The following GAPVD1 variants were observed in gnomAD, a reference collection of about 807,000 sequenced individuals.
The protein encoded by GAPVD1 is GTPase-activating protein and VPS9 domain-containing protein 1.
A neutral mutation model predicts 155.5 loss-of-function variants in GAPVD1; 35 were observed. That is an observed-to-expected ratio of 0.23 (90% CI 0.17 to 0.30). The LOEUF is 0.30. Ranked by LOEUF, GAPVD1 falls within the 10% of genes least tolerant of loss-of-function variation. GAPVD1 has a pLI of 1.00. For missense variants in GAPVD1, 1,429 were observed against 1,775.7 expected (o/e 0.80, Z 3.51); for synonymous variants, 636 against 619.7 (o/e 1.03, Z -0.39).
intron 24 of GAPVD1, among the ~76,000 whole-genome samples, chr9:125,355,215 G>GGGGATTCTC (rs6151177): frequency 6.6e-6 from 1 of 151,880 alleles, no homozygotes; most frequent in African/African-American, 2.4e-5. Flanking sequence ...CTCCCTGGTA[G>GGGGATTCTC]CTGCCTCAGC....
intron 17 of GAPVD1, among the ~76,000 whole-genome samples, chr9:125,338,452 A>G (rs1033048256): frequency 1.3e-5 from 2 of 152,190 alleles, no homozygotes; most frequent in African/African-American, 2.4e-5. Context: ...TATAGTAAAA[A>G]GGTTCTATTC....
intron 26 of GAPVD1, 46 bp downstream of exon 26, chr9:125,359,538 G>A (rs747986846): frequency 2.5e-5 from 23 of 909,386 alleles, no homozygotes; most frequent in East Asian, 1.4e-4. Context: ...TAAATGCTGC[G>A]TGTTATTATA....
At chr9:125,323,021 C>T (rs189238599) in intron 10 of GAPVD1, among the ~76,000 whole-genome samples, 131 of 148,106 alleles carry the variant, frequency 8.8e-4, no homozygotes, top group African/African-American at 3.2e-3. Context: ...CCACTGCATT[C>T]CAGCTTGGAC....
At chr9:125,276,444 C>A (rs79737893) in intron 2 of GAPVD1, among the ~76,000 whole-genome samples, 2 of 152,216 alleles carry the variant, frequency 1.3e-5, no homozygotes, top group Non-Finnish European at 2.9e-5. Context: ...GTAATCCCAG[C>A]ACTTTGGGAT....
Position 125,342,299 on chromosome 9 carries a change from G to A in GAPVD1, c.3046G>A (p.Asp1016Asn). ...LGPDRFSTLTDDPSPRLSAQA... is the reference protein window; with the variant it reads ...LGPDRFSTLTNDPSPRLSAQA... Reference sequence around the variant, plus strand: ...GCCTGACAGATTCTCAACACTCACAGGTTTGTAGACCCATGGACTTCCTGG... The same window carrying A: ...GCCTGACAGATTCTCAACACTCACAAGTTTGTAGACCCATGGACTTCCTGG... Residue 1016 changes from aspartate to asparagine, a missense_variant and splice_region_variant, in exon 19 of 28, where the codon GAT (aspartate) becomes AAT (asparagine). This residue lies in a region of GAPVD1 where 699 missense variants were observed against 826.0 expected (regional missense o/e 0.85). Coordinates refer to ENST00000297933, the MANE Select transcript of GAPVD1 (RefSeq NM_001282680.3). 6.4e-7 allele frequency: 1 copy of A among 1,551,166 alleles called. No individual in the cohort carries two copies. The highest frequency in any genetic ancestry group is 8.9e-7 in the Non-Finnish European group (1 of 1,122,944).
Position 125,289,188 on chromosome 9 carries a change from G to A in GAPVD1, c.-149-6270G>A, listed in dbSNP as rs1838208075. On this transcript the variant is annotated intron_variant, in intron 2 of 27. Transcript: ENST00000297933. ...GAGTGATGAATTATATGGTCTCCTG[G>A]TAATAGGAGGTGAGGTAGGAGAGGT... Among the ~76,000 whole-genome samples, 3 of 152,262 alleles carry A rather than the reference G, an allele frequency of 2.0e-5. No individual in the cohort carries two copies. In the South Asian group the frequency reaches 6.2e-4, roughly 32 times the overall value.
intron 2 of GAPVD1, among the ~76,000 whole-genome samples, chr9:125,292,137 G>A (rs781280988): frequency 5.3e-5 from 8 of 151,972 alleles, no homozygotes; most frequent in African/African-American, 1.7e-4. Flanking sequence ...CTCGGGAGGC[G>A]GAGGTGAGAG....
At chr9:125,336,912 T>C (rs2131976390) in intron 15 of GAPVD1, 106 bp from the exon 16 acceptor site, 1 of 656,754 alleles carries the variant, frequency 1.5e-6, no homozygotes, top group East Asian at 2.6e-5. Context: ...CAAGTTCTAA[T>C]GGATCAAAAA....
chr9:125,293,871 T>A lies in GAPVD1; in HGVS notation c.-149-1587T>A, dbSNP rs1461599115. ...TATATTTTATATATATATATATATA[T>A]ATATATATATATATATATATATATA... On this transcript the variant is annotated intron_variant, in intron 2 of 27. Transcript: ENST00000297933. 1.9e-4 allele frequency among the ~76,000 whole-genome samples: 17 copies of A among 90,176 alleles called. 1 individual carries two copies. The highest frequency in any genetic ancestry group is 7.3e-4 in the African/African-American group (17 of 23,356). The allele number at this position is 90,176 out of a possible 152,430, so 59.2% of individuals were successfully genotyped here.
intron 8 of GAPVD1, among the ~76,000 whole-genome samples, chr9:125,310,908 C>T (rs532441122): frequency 2.0e-5 from 3 of 151,194 alleles, no homozygotes; most frequent in African/African-American, 4.9e-5. Flanking sequence ...ACTGCGATCT[C>T]GGCTCACTGC....
chr9:125,343,178 G>T (rs1008232120), intron 19 of GAPVD1, among the ~76,000 whole-genome samples: 1 of 151,426 alleles, frequency 6.6e-6, no homozygotes, highest in Non-Finnish European at 1.5e-5. Flanking sequence ...AACAGTATGA[G>T]ATTTATGCAG....
At position 125,298,896 on chromosome 9, in the gene GAPVD1, G is replaced by A. The variant is rs1840328964; in HGVS notation, c.-26G>A. Reference sequence around the variant, plus strand: ...TTTATCTTTTTACTCTTAGTGATCAGCCTTTGAGCCTTTCCCACATTGAAG... The same window carrying A: ...TTTATCTTTTTACTCTTAGTGATCAACCTTTGAGCCTTTCCCACATTGAAG... On this transcript the variant is annotated 5_prime_UTR_variant, in exon 4 of 28. Coordinates refer to ENST00000297933, the MANE Select transcript of GAPVD1 (RefSeq NM_001282680.3). 1 of 1,481,100 alleles carries A rather than the reference G, an allele frequency of 6.8e-7. No homozygotes were observed. Among genetic ancestry groups the A allele is most frequent in the African/African-American group, 1.4e-5 (1 of 71,458 alleles). The allele number at this position is 1,481,100 out of a possible 1,614,324, so 91.7% of individuals were successfully genotyped here.
At position 125,331,997 on chromosome 9, in the gene GAPVD1, G is replaced by C. The variant is rs1846158238; in HGVS notation, c.2245G>C (p.Asp749His). The C allele has an allele frequency of 6.2e-7, 1 of 1,613,906 alleles. No homozygotes were observed. The highest frequency in any genetic ancestry group is 8.5e-7 in the Non-Finnish European group (1 of 1,179,904). Residue 749 changes from aspartate (D) to histidine (H), a missense_variant, in exon 14 of 28, where the codon GAT (aspartate) becomes CAT (histidine). Physicochemically the swap from Asp to His is moderately conservative, Grantham distance 81. Around this residue, in one of 4 missense-constraint regions of GAPVD1, gnomAD observed 699 missense variants for 826.0 expected, o/e 0.85. Transcript: ENST00000297933. ...CTGTTCTGGACTGGGTAGCACATCT[G>C]ATGATACGGATGTCAGGGAGGTCAG... Reference protein sequence around the residue: ...ESCSGLGSTSDDTDVREVSSR... With the variant: ...ESCSGLGSTSHDTDVREVSSR...
At chr9:125,276,284 G>C (rs923898967) in intron 2 of GAPVD1, among the ~76,000 whole-genome samples, 1 of 152,128 alleles carries the variant, frequency 6.6e-6, no homozygotes, top group Admixed American at 6.6e-5. Flanking sequence ...CTGTAGGCCA[G>C]AGTTCAAAAC....
chr9:125,281,614 A>C (rs1330876638), intron 2 of GAPVD1, among the ~76,000 whole-genome samples: 2 of 152,208 alleles, frequency 1.3e-5, no homozygotes, highest in Non-Finnish European at 2.9e-5. Context: ...ATATTGATAC[A>C]TTATCATTAA....
At chr9:125,327,361 CTTTTA>C (rs1266121527) in intron 12 of GAPVD1, among the ~76,000 whole-genome samples, 2 of 151,902 alleles carry the variant, frequency 1.3e-5, no homozygotes, top group Non-Finnish European at 2.9e-5. Context: ...TTTTCTTCAA[CTTTTA>C]TTTTAGGTTC....
At chr9:125,269,710 CTTTTTTT>C (rs951306489) in intron 2 of GAPVD1, among the ~76,000 whole-genome samples, 1,077 of 52,750 alleles carry the variant, frequency 0.02, 43 homozygotes, top group Admixed American at 0.14. Flanking sequence ...CCATGCCTGG[CTTTTTTT>C]TTTTTTTTTT....
At position 125,342,388 on chromosome 9, in the gene GAPVD1, T is replaced by G. The variant is rs1847946567; in HGVS notation, c.3046+89T>G. ...TCTTGGGTGCCATAAGCGTTGCCTTTCTAGAAGAGTGTGTCTGTGTGTACA... is the reference window on the plus strand; with the variant it reads ...TCTTGGGTGCCATAAGCGTTGCCTTGCTAGAAGAGTGTGTCTGTGTGTACA... On this transcript the variant is annotated intron_variant, in intron 19 of 27. Coordinates refer to ENST00000297933, the MANE Select transcript of GAPVD1 (RefSeq NM_001282680.3). The G allele has an allele frequency of 7.7e-6, 6 of 775,006 alleles. No homozygotes were observed. The East Asian group carries it at 1.5e-4, about 19-fold the overall frequency. 48.0% of individuals were successfully genotyped at this position (775,006 alleles called of 1,614,324 possible). A position where few individuals can be genotyped will look rare whatever the true frequency, so the allele number is the denominator to read the frequency against.
At chr9:125,346,395 T>G in intron 19 of GAPVD1, 1 of 217,546 alleles carries the variant, frequency 4.6e-6, no homozygotes, top group South Asian at 7.2e-5. Context: ...TTTAAAGGGG[T>G]TTAAGTCTAA....
Sources: gnomAD v4.1 joint callset for allele counts (sites outside exome capture counted in the v4.1 genomes callset) on GRCh38, gnomAD v4.1.1 for gene constraint, gnomAD v4.1.1 regional missense constraint, MANE v1.5 for transcripts, NCBI Gene and HGNC (gene_info 2026-07-23, HGNC 2026-07-21) for gene names.